Variants in NAV3 observed in about 807,000 individuals in gnomAD.
The protein encoded by NAV3 is neuron navigator 3, also known as pore membrane and/or filament interacting like protein 1.
A neutral mutation model predicts 244.7 loss-of-function variants in NAV3; 87 were observed. That is an observed-to-expected ratio of 0.36 (90% CI 0.30 to 0.42). NAV3 has a LOEUF of 0.42. NAV3 is among the 20% of genes least tolerant of loss of function. The probability of loss-of-function intolerance (pLI) is 1.00; values close to 1 mark genes in which losing one functional copy is unlikely to be tolerated. For missense variants in NAV3, 2,663 were observed against 2,893.3 expected (o/e 0.92, Z 1.83); for synonymous variants, 1,126 against 1,042.2 (o/e 1.08, Z -1.55).
intron 2 of NAV3, among the ~76,000 whole-genome samples, chr12:77,714,068 A>T (rs2137263645): frequency 6.6e-6 from 1 of 151,866 alleles, no homozygotes; most frequent in Non-Finnish European, 1.5e-5. Flanking sequence ...CTGGGAATAT[A>T]GAATAATATT....
chr12:78,071,027 C>T (rs1470274186), intron 12 of NAV3, among the ~76,000 whole-genome samples: 1 of 150,638 alleles, frequency 6.6e-6, no homozygotes, highest in African/African-American at 2.4e-5. Flanking sequence ...GTGCATGTGT[C>T]TTTATAGCAG....
chr12:77,837,154 G>T (rs1874788233), intron 1 of NAV3, among the ~76,000 whole-genome samples: 1 of 151,622 alleles, frequency 6.6e-6, no homozygotes, highest in Non-Finnish European at 1.5e-5. Context: ...CCGAATTTTT[G>T]AAATTTAATG....
chr12:77,599,309 C>T (rs759446430), intron 2 of NAV3, among the ~76,000 whole-genome samples: 21 of 151,894 alleles, frequency 1.4e-4, no homozygotes, highest in Admixed American at 6.6e-4. Flanking sequence ...TCAATTGTAT[C>T]TTCAAGGAGG....
chr12:77,929,154 A>G (rs1291531489), intron 1 of NAV3, among the ~76,000 whole-genome samples: 1 of 152,224 alleles, frequency 6.6e-6, no homozygotes, highest in Non-Finnish European at 1.5e-5. Context: ...ATCTCTTCAT[A>G]TGAAATATAT....
At chr12:77,912,461 G>T (rs984810366) in intron 1 of NAV3, among the ~76,000 whole-genome samples, 1 of 152,116 alleles carries the variant, frequency 6.6e-6, no homozygotes, top group Non-Finnish European at 1.5e-5. Context: ...GCTCACAGAT[G>T]AATTACTCAG....
chr12:78,079,369 A>G (rs139237579), intron 12 of NAV3, among the ~76,000 whole-genome samples: 13 of 152,328 alleles, frequency 8.5e-5, no homozygotes, highest in Non-Finnish European at 1.5e-4. Flanking sequence ...ACAAAGCATG[A>G]TTATTTCTTA....
At chr12:78,009,229 G>C (rs2136631444) in intron 8 of NAV3, among the ~76,000 whole-genome samples, 1 of 151,578 alleles carries the variant, frequency 6.6e-6, no homozygotes, top group East Asian at 2.0e-4. Context: ...TCCGCTGTGT[G>C]AACCTGATGA....
chr12:77,812,634 C>A lies in NAV3; in HGVS notation c.73-127685C>A, dbSNP rs556576132. Among the ~76,000 whole-genome samples the A allele has an allele frequency of 2.0e-5, 3 of 151,456 alleles. No individual in the cohort carries two copies. The East Asian group carries it at 5.9e-4, about 30-fold the overall frequency. ...TTCACCACACTGGCCAGGCTGGTCT[C>A]GAACTCCTGACCTAGGTGATCTGCT... is the stretch of plus-strand genomic sequence containing the variant. On this transcript the variant is annotated intron_variant, in intron 2 of 8. Coordinates refer to the NAV3 transcript ENST00000550042.
chr12:77,886,116 C>G (rs1883258130), intron 1 of NAV3, among the ~76,000 whole-genome samples: 1 of 152,118 alleles, frequency 6.6e-6, no homozygotes, highest in Non-Finnish European at 1.5e-5. Flanking sequence ...CCTAACCAAT[C>G]TTTCAACTGC....
chr12:77,797,947 TC>T (rs1463564766), intron 2 of NAV3, among the ~76,000 whole-genome samples: 1 of 151,226 alleles, frequency 6.6e-6, no homozygotes. Flanking sequence ...GGCAAGCAGA[TC>T]CCTTGAGGCC....
chr12:77,879,610 G>C (rs1882346262), intron 1 of NAV3, among the ~76,000 whole-genome samples: 1 of 149,190 alleles, frequency 6.7e-6, no homozygotes, highest in South Asian at 2.2e-4. Context: ...GGGGCGGGGA[G>C]GTGGAGGTTG....
chr12:78,057,027 T>G (rs1262667809), intron 11 of NAV3, among the ~76,000 whole-genome samples: 1 of 152,206 alleles, frequency 6.6e-6, no homozygotes, highest in Non-Finnish European at 1.5e-5. Flanking sequence ...GCTTATCTCT[T>G]TCTCCTCTTT....
At chr12:77,623,802 A>G (rs893282925) in intron 2 of NAV3, among the ~76,000 whole-genome samples, 5 of 152,254 alleles carry the variant, frequency 3.3e-5, no homozygotes, top group Admixed American at 6.5e-5. Flanking sequence ...CCAGGGGAGA[A>G]TTATAGATGA....
At chr12:77,619,072 A>G (rs1871255727) in intron 2 of NAV3, among the ~76,000 whole-genome samples, 1 of 152,128 alleles carries the variant, frequency 6.6e-6, no homozygotes, top group Admixed American at 6.5e-5. Context: ...TTTATAACCC[A>G]GGTTAGTACT....
intron 1 of NAV3, among the ~76,000 whole-genome samples, chr12:77,929,721 C>T (rs2137293759): frequency 6.6e-6 from 1 of 151,658 alleles, no homozygotes; most frequent in East Asian, 1.9e-4. Flanking sequence ...CAACCTCTGC[C>T]TCCCTGGTTC....
intron 34 of NAV3, among the ~76,000 whole-genome samples, chr12:78,190,672 T>G (rs1958934775): frequency 6.6e-6 from 1 of 152,064 alleles, no homozygotes; most frequent in African/African-American, 2.4e-5. Context: ...ATTAGAATAT[T>G]CCAAGCAGAT....
At chr12:77,859,154 A>G (rs1878829700) in intron 1 of NAV3, among the ~76,000 whole-genome samples, 1 of 152,052 alleles carries the variant, frequency 6.6e-6, no homozygotes, top group East Asian at 1.9e-4. Flanking sequence ...AGTAATTGAG[A>G]TCTCTTTTCA....
intron 1 of NAV3, among the ~76,000 whole-genome samples, chr12:77,855,112 G>A (rs755762243): frequency 1.8e-3 from 271 of 152,268 alleles, no homozygotes; most frequent in Non-Finnish European, 2.7e-3. Context: ...GGGTGACAGA[G>A]CGAGACTCCA....
chr12:77,861,146 C>T (rs1490417742), intron 1 of NAV3, among the ~76,000 whole-genome samples: 1 of 151,720 alleles, frequency 6.6e-6, no homozygotes. Flanking sequence ...CACGTGGTTG[C>T]AAAATCATAT....
Sources: gnomAD v4.1 joint callset for allele counts (sites outside exome capture counted in the v4.1 genomes callset) on GRCh38, gnomAD v4.1.1 for gene constraint, MANE v1.5 for transcripts, NCBI Gene and HGNC (gene_info 2026-07-23, HGNC 2026-07-21) for gene names.